Variants in CENPM observed in about 807,000 individuals in gnomAD.
CENPM encodes the protein centromere protein M, also known as interphase centromere complex protein 39.
A neutral mutation model predicts 19.6 loss-of-function variants in CENPM; 14 were observed. That is an observed-to-expected ratio of 0.71 (90% CI 0.47 to 1.11). The LOEUF is 1.11. Among genes scored for constraint, CENPM ranks in the 50% most tolerant of loss-of-function variants. The pLI, the probability that CENPM is intolerant of heterozygous loss-of-function variation, is 0.00. For synonymous variants in CENPM, 114 were observed against 101.5 expected (o/e 1.12, Z -0.74); for missense variants, 239 against 228.4 (o/e 1.05, Z -0.30).
intron 3 of CENPM, among the ~76,000 whole-genome samples, chr22:41,945,636 G>C (rs1021922643): frequency 6.6e-6 from 1 of 152,024 alleles, no homozygotes; most frequent in Non-Finnish European, 1.5e-5. Context: ...TTTTAGTAGA[G>C]ACGGGGTTTC....
At chr22:41,935,186 C>A (rs997245333), downstream of CENPM, among the ~76,000 whole-genome samples, 3 of 152,200 alleles carry the variant, frequency 2.0e-5, no homozygotes, top group African/African-American at 7.2e-5. Flanking sequence ...AGACTCTTGG[C>A]TGGAGAATGC....
chr22:41,933,002 G>C, the CENPM span, among the ~76,000 whole-genome samples: 1 of 152,172 alleles, frequency 6.6e-6, no homozygotes, highest in South Asian at 2.1e-4. Flanking sequence ...GGAGTGCTGG[G>C]GAGAAAAAGT....
At chr22:41,933,156 C>T in the CENPM span, among the ~76,000 whole-genome samples, 1 of 152,114 alleles carries the variant, frequency 6.6e-6, no homozygotes, top group Non-Finnish European at 1.5e-5. Flanking sequence ...GGCCCAGTGA[C>T]CAGGAAAAGG....
chr22:41,945,011 G>A, intron 4 of CENPM: 1 of 1,380,734 alleles, frequency 7.2e-7, no homozygotes, highest in Non-Finnish European at 9.5e-7. Flanking sequence ...GGGGTTTGTT[G>A]TACAGATCAT....
chr22:41,937,332 G>A (rs763784003), downstream of CENPM, among the ~76,000 whole-genome samples: 19 of 152,142 alleles, frequency 1.2e-4, no homozygotes, highest in Non-Finnish European at 2.4e-4. Flanking sequence ...GTCTCGCTCC[G>A]CTGCCTGGGC....
intron 5 of CENPM, chr22:41,940,034 A>G (rs1031519162): frequency 1.8e-5 from 12 of 664,554 alleles, no homozygotes; most frequent in African/African-American, 1.4e-4. Context: ...GCCCTCCAGC[A>G]GCTCCCCACC....
At chr22:41,930,993 T>C in the CENPM span, among the ~76,000 whole-genome samples, 1 of 151,536 alleles carries the variant, frequency 6.6e-6, no homozygotes, top group Non-Finnish European at 1.5e-5. Context: ...CGTGCCACCA[T>C]GCCCAGCTAA....
In CENPM at chr22:41,939,051, C is replaced by A; in HGVS notation, c.*5G>T. ...GAGAAGGGGCAGCCCAGGGGCCAGCCACCCTCACAGGTCCTCCAGGGAGGG... is the reference window on the plus strand; with the variant it reads ...GAGAAGGGGCAGCCCAGGGGCCAGCAACCCTCACAGGTCCTCCAGGGAGGG... On this transcript the variant is annotated 3_prime_UTR_variant, in exon 6 of 6. Transcript: ENST00000215980. 1 of 1,612,602 alleles carries A rather than the reference C, an allele frequency of 6.2e-7. No homozygotes were observed. Among genetic ancestry groups the A allele is most frequent in the South Asian group, 1.1e-5 (1 of 91,020 alleles).
At chr22:41,945,860 A>G in intron 3 of CENPM, 53 bp downstream of exon 3, 3 of 1,430,014 alleles carry the variant, frequency 2.1e-6, no homozygotes, top group Non-Finnish European at 2.9e-6. Flanking sequence ...GTCTCAGCAC[A>G]GTCCTGAGCC....
At chr22:41,927,513 C>CTTT in the CENPM span, among the ~76,000 whole-genome samples, 376 of 129,236 alleles carry the variant, frequency 2.9e-3, 4 homozygotes, top group East Asian at 0.01. Context: ...CAGACACCTG[C>CTTT]TTTTTTTTTT....
rs759832293 is a variant in CENPM, at chr22:41,945,209, C to T, written c.310+16G>A. 1.5e-5 allele frequency: 25 copies of T among 1,613,744 alleles called. No homozygotes were observed. Among genetic ancestry groups the T allele is most frequent in the South Asian group, 5.5e-5 (5 of 91,054 alleles). On this transcript the variant is annotated intron_variant, in intron 4 of 5. Transcript: ENST00000215980. ...TTGGCTGGGGGTGGGCAGTAACAGGCGAGGAACGTACTTACCACCTGTGGC... is the reference window on the plus strand; with the variant it reads ...TTGGCTGGGGGTGGGCAGTAACAGGTGAGGAACGTACTTACCACCTGTGGC...
rs184380729 is a variant in CENPM at position 41,944,837 on chromosome 22, A to C, written c.310+388T>G. The C allele has an allele frequency of 6.2e-5, 64 of 1,027,244 alleles. No homozygotes were observed. In the African/African-American group the frequency reaches 9.6e-4, roughly 15 times the overall value. 63.6% of individuals were successfully genotyped at this position (1,027,244 alleles called of 1,614,324 possible). A position where few individuals can be genotyped will look rare whatever the true frequency, so the allele number is the denominator to read the frequency against. ...CCACAGGCAACCACTAGGCAACTCC[A>C]AGTAATGGCAGAGTTATCTGCTCAT... is the stretch of plus-strand genomic sequence containing the variant. On this transcript the variant is annotated intron_variant, in intron 4 of 5. Transcript: ENST00000215980.
At chr22:41,941,714 G>A (rs1316267236) in intron 5 of CENPM, among the ~76,000 whole-genome samples, 2 of 152,210 alleles carry the variant, frequency 1.3e-5, no homozygotes, top group Admixed American at 6.5e-5. Context: ...GGCGGGGCAG[G>A]CACTTCAGGT....
Position 41,945,224 on chromosome 22 carries a change from C to G in CENPM, c.310+1G>C, listed in dbSNP as rs1332539403. On this transcript the variant is annotated splice_donor_variant, in intron 4 of 5. Transcript: ENST00000215980. LOFTEE classifies it high-confidence loss of function. ...CAGTAACAGGCGAGGAACGTACTTA[C>G]CACCTGTGGCGAGGAAACACACCTT... is the stretch of plus-strand genomic sequence containing the variant. 3.7e-6 allele frequency: 6 copies of G among 1,613,862 alleles called. No individual in the cohort carries two copies. Among genetic ancestry groups the G allele is most frequent in the Non-Finnish European group, 5.1e-6 (6 of 1,180,000 alleles).
rs772092942 is a variant in CENPM at position 41,940,219 on chromosome 22, T to A, written c.403-1023A>T. ...CCACGAGGTATCTCCGTGGCCTGCCTGCCTACTTCCTTCAGGTCTTTATTT... is the reference window on the plus strand; with the variant it reads ...CCACGAGGTATCTCCGTGGCCTGCCAGCCTACTTCCTTCAGGTCTTTATTT... On this transcript the variant is annotated intron_variant, in intron 5 of 5. Coordinates refer to ENST00000215980, the MANE Select transcript of CENPM (RefSeq NM_024053.5). 4.0e-5 allele frequency: 30 copies of A among 743,870 alleles called. 1 individual carries two copies. Among genetic ancestry groups the A allele is most frequent in the Non-Finnish European group, 5.0e-6 (2 of 399,808 alleles). The allele number at this position is 743,870 out of a possible 1,614,324, so 46.1% of individuals were successfully genotyped here. A position where few individuals can be genotyped will look rare whatever the true frequency, so the allele number is the denominator to read the frequency against.
Position 41,939,105 on chromosome 22 carries a change from A to C in CENPM, c.494T>G (p.Leu165Arg), listed in dbSNP as rs1165406597. The C allele has an allele frequency of 3.1e-6, 5 of 1,612,966 alleles. No individual in the cohort carries two copies. In the South Asian group the frequency reaches 5.5e-5, roughly 18 times the overall value. ...CTCAGAGCTTCTCAGCAGGGACAGC[A>C]GGTTCAGAGCTGAGACACCGGGCAC... ...GHVPGVSALN[L>R]LSLLRSSEGP... Residue 165 changes from leucine to arginine, a missense_variant, in exon 6 of 6, where the codon CTG (leucine) becomes CGG (arginine). Transcript: ENST00000215980.
chr22:41,944,080 G>C, intron 4 of CENPM: 1 of 984,766 alleles, frequency 1.0e-6, no homozygotes, highest in Non-Finnish European at 1.2e-6. Context: ...CTGGGGCTGA[G>C]TTTTGAGGTA....
At chr22:41,935,078 C>G (rs2146596499), downstream of CENPM, among the ~76,000 whole-genome samples, 1 of 152,362 alleles carries the variant, frequency 6.6e-6, no homozygotes, top group African/African-American at 2.4e-5. Context: ...GCCCCCAACT[C>G]TAGAGGGGAG....
At chr22:41,931,548 C>A in the CENPM span, among the ~76,000 whole-genome samples, 2 of 151,204 alleles carry the variant, frequency 1.3e-5, no homozygotes, top group African/African-American at 4.8e-5. Flanking sequence ...GGGTTTCTGT[C>A]GATTTTTGTG....
Sources: allele counts gnomAD v4.1 joint callset (sites outside exome capture counted in the v4.1 genomes callset), GRCh38; gene constraint gnomAD v4.1.1; transcripts MANE v1.5; gene names NCBI Gene and HGNC (gene_info 2026-07-23, HGNC 2026-07-21).